The following KCNQ1 variants were observed in gnomAD, a reference collection of about 807,000 sequenced individuals.
The protein encoded by KCNQ1 is potassium voltage-gated channel subfamily KQT member 1.
KCNQ1 carries 49 observed loss-of-function variants against 72.4 expected under a neutral mutation model. The observed-to-expected ratio is 0.68, with a 90% confidence interval of 0.54 to 0.86. KCNQ1 has a LOEUF of 0.86. KCNQ1 is among the 40% of genes least tolerant of loss of function. The probability of loss-of-function intolerance (pLI) is 0.00; values close to 1 mark genes in which losing one functional copy is unlikely to be tolerated. For synonymous variants in KCNQ1, 450 were observed against 412.6 expected (o/e 1.09, Z -1.10); for missense variants, 790 against 945.1 (o/e 0.84, Z 2.15).
Position 2,699,384 on chromosome 11 carries a change from G to A in KCNQ1, c.1514+37303G>A, listed in dbSNP as rs1019527709. 12 of 400,556 alleles carry A rather than the reference G, an allele frequency of 3.0e-5. No homozygotes were observed. In the Middle Eastern group the frequency reaches 1.9e-3, roughly 62 times the overall value. 24.8% of individuals were successfully genotyped at this position (400,556 alleles called of 1,614,324 possible). A position where few individuals can be genotyped will look rare whatever the true frequency, so the allele number is the denominator to read the frequency against. ...CCGTCCGCCCAGGTCCGTGCTGACC[G>A]TGTTCAAACCCTCCCAGAGAGATGG... On this transcript the variant is annotated intron_variant, in intron 11 of 15. Coordinates refer to ENST00000155840, the MANE Select transcript of KCNQ1 (RefSeq NM_000218.3).
At chr11:2,840,053 C>CAT (rs1848172024) in intron 15 of KCNQ1, 1 of 152,214 alleles carries the variant, frequency 6.6e-6, no homozygotes, top group Admixed American at 6.5e-5. Flanking sequence ...GTCAAAAACC[C>CAT]ATGTATAACT....
intron 1 of KCNQ1, among the ~76,000 whole-genome samples, chr11:2,496,120 A>G (rs1846910807): frequency 1.3e-5 from 2 of 151,882 alleles, no homozygotes; most frequent in South Asian, 4.2e-4. Flanking sequence ...TATCTTTCTT[A>G]GTTTGAAGTC....
At chr11:2,461,229 G>T (rs1009956946) in intron 1 of KCNQ1, among the ~76,000 whole-genome samples, 6 of 151,932 alleles carry the variant, frequency 3.9e-5, no homozygotes, top group African/African-American at 1.5e-4. Context: ...CATGTGCAGG[G>T]CTGTTTGAAG....
intron 1 of KCNQ1, among the ~76,000 whole-genome samples, chr11:2,518,642 A>G (rs910517033): frequency 6.6e-6 from 1 of 152,150 alleles, no homozygotes; most frequent in Non-Finnish European, 1.5e-5. Flanking sequence ...TGGCTCCTGG[A>G]TAGGCGGGCT....
In KCNQ1 at chr11:2,617,481, G is replaced by A. The variant is rs1849086005; in HGVS notation, c.1393+28627G>A. ...TAGTCATCCATCAATGGACACGTAAGTTTTCATATCGTGACTCATGCATAT... is the reference window on the plus strand; with the variant it reads ...TAGTCATCCATCAATGGACACGTAAATTTTCATATCGTGACTCATGCATAT... On this transcript the variant is annotated intron_variant, in intron 10 of 15. Coordinates refer to ENST00000155840, the MANE Select transcript of KCNQ1 (RefSeq NM_000218.3). This position sits in a 1 kb window ranked among gnomAD's most constrained non-coding sequence, Gnocchi z 4.6. The A allele has an allele frequency of 5.0e-6, 2 of 398,314 alleles. No individual in the cohort carries two copies. Among genetic ancestry groups the A allele is most frequent in the Non-Finnish European group, 4.4e-6 (1 of 225,966 alleles). 24.7% of individuals were successfully genotyped at this position (398,314 alleles called of 1,614,324 possible). A position where few individuals can be genotyped will look rare whatever the true frequency, so the allele number is the denominator to read the frequency against.
In KCNQ1 at chr11:2,745,779, G is replaced by A. The variant is rs1195182673; in HGVS notation, c.1515-23065G>A. 1.3e-5 allele frequency among the ~76,000 whole-genome samples: 2 copies of A among 152,244 alleles called. No homozygotes were observed. Among genetic ancestry groups the A allele is most frequent in the African/African-American group, 4.8e-5 (2 of 41,476 alleles). On this transcript the variant is annotated intron_variant, in intron 11 of 15. Coordinates refer to ENST00000155840, the MANE Select transcript of KCNQ1 (RefSeq NM_000218.3). The surrounding 1 kb of genome is among the most constrained non-coding windows in gnomAD (Gnocchi z 6.2). ...CGTGCCTTGGAGAAGGCCGCTCAGC[G>A]AGGGCCGCCTTCAGGCCTGAGCCCG...
In KCNQ1 at chr11:2,808,789, T is replaced by C. The variant is rs971524580; in HGVS notation, c.1794+30752T>C. ...TCCAGACGCTTCTCTGTATGTTGCA[T>C]AGAAAAAGGATGGTTAGATACATGG... On this transcript the variant is annotated intron_variant, in intron 15 of 15. Transcript: ENST00000155840. This position sits in a 1 kb window ranked among gnomAD's most constrained non-coding sequence, Gnocchi z 6.0. Among the ~76,000 whole-genome samples the C allele has an allele frequency of 6.6e-6, 1 of 152,070 alleles. No individual in the cohort carries two copies. Among genetic ancestry groups the C allele is most frequent in the Admixed American group, 6.5e-5 (1 of 15,276 alleles).
chr11:2,731,867 C>T (rs1845863861), intron 11 of KCNQ1, among the ~76,000 whole-genome samples: 1 of 152,264 alleles, frequency 6.6e-6, no homozygotes, highest in African/African-American at 2.4e-5. Context: ...CGGCTGCTCA[C>T]AGCCTTCACC....
intron 15 of KCNQ1, among the ~76,000 whole-genome samples, chr11:2,837,149 C>G (rs1848083282): frequency 6.6e-6 from 1 of 152,168 alleles, no homozygotes; most frequent in African/African-American, 2.4e-5. Context: ...CCCTGGGCAG[C>G]CTCTCGAGTG....
rs1317157902 is a variant in KCNQ1, at chr11:2,623,766, A to T, written c.1393+34912A>T. 1 of 398,380 alleles carries T rather than the reference A, an allele frequency of 2.5e-6. No individual in the cohort carries two copies. The highest frequency in any genetic ancestry group is 4.4e-6 in the Non-Finnish European group (1 of 226,038). The allele number at this position is 398,380 out of a possible 1,614,324, so 24.7% of individuals were successfully genotyped here. On this transcript the variant is annotated intron_variant, in intron 10 of 15. Coordinates refer to ENST00000155840, the MANE Select transcript of KCNQ1 (RefSeq NM_000218.3). This position sits in a 1 kb window ranked among gnomAD's most constrained non-coding sequence, Gnocchi z 5.2. Reference sequence around the variant, plus strand: ...GATTTTTATGTGAATATAAGTCTTCACCTCCTTTGAGTAAATACCAAGGAT... The same window carrying T: ...GATTTTTATGTGAATATAAGTCTTCTCCTCCTTTGAGTAAATACCAAGGAT...
intron 10 of KCNQ1, chr11:2,615,445 T>G: frequency 5.0e-6 from 2 of 398,060 alleles, no homozygotes. Flanking sequence ...CATTGTTCAA[T>G]AGCACTGGGT....
At position 2,713,631 on chromosome 11, in the gene KCNQ1, T is replaced by G. The variant is rs1851042153; in HGVS notation, c.1514+51550T>G. On this transcript the variant is annotated intron_variant, in intron 11 of 15. Transcript: ENST00000155840. The surrounding 1 kb of genome is among the most constrained non-coding windows in gnomAD (Gnocchi z 5.6). ...AAGAGAAAAAAGTGAGCTGACATTA[T>G]GGGTCGGCCCCTGTTCTGGAGGCCA... is the stretch of plus-strand genomic sequence containing the variant. Among the ~76,000 whole-genome samples the G allele has an allele frequency of 6.6e-6, 1 of 152,274 alleles. No homozygotes were observed. The highest frequency in any genetic ancestry group is 3.4e-3 in the Middle Eastern group (1 of 294).
At chr11:2,771,340 C>T (rs1017453868) in intron 12 of KCNQ1, 1 of 152,242 alleles carries the variant, frequency 6.6e-6, no homozygotes, top group Non-Finnish European at 1.5e-5. Context: ...GATATCCCAT[C>T]GTGATAATAA....
intron 2 of KCNQ1, among the ~76,000 whole-genome samples, chr11:2,555,056 T>C (rs144217189): frequency 2.0e-4 from 31 of 152,262 alleles, no homozygotes; most frequent in Non-Finnish European, 3.7e-4. Flanking sequence ...CCGCAGGCCT[T>C]CCTGTCCCAA....
In KCNQ1 at chr11:2,645,050, C is replaced by T. The variant is rs1849645772; in HGVS notation, c.1394-16911C>T. The T allele has an allele frequency of 5.0e-6, 2 of 398,664 alleles. No homozygotes were observed. The highest frequency in any genetic ancestry group is 8.8e-6 in the Non-Finnish European group (2 of 226,226). 24.7% of individuals were successfully genotyped at this position (398,664 alleles called of 1,614,324 possible). On this transcript the variant is annotated intron_variant, in intron 10 of 15. Coordinates refer to ENST00000155840, the MANE Select transcript of KCNQ1 (RefSeq NM_000218.3). The surrounding 1 kb of genome is among the most constrained non-coding windows in gnomAD (Gnocchi z 5.8). ...GGCCTCCAGGCAACTTGCTCAGGTGCCAATGATGACAGAGCTGGGCCACAG... is the reference window on the plus strand; with the variant it reads ...GGCCTCCAGGCAACTTGCTCAGGTGTCAATGATGACAGAGCTGGGCCACAG...
Position 2,541,027 on chromosome 11 carries a change from A to C in KCNQ1, c.477+13009A>C, listed in dbSNP as rs1296114767. Among the ~76,000 whole-genome samples the C allele has an allele frequency of 6.6e-6, 1 of 152,248 alleles. No homozygotes were observed. ...GATGGGCGTGTGGACGTATGCACAC[A>C]TAGGTACCCATGTGGACACACTCAC... On this transcript the variant is annotated intron_variant, in intron 2 of 15. Transcript: ENST00000155840. The surrounding 1 kb of genome is among the most constrained non-coding windows in gnomAD (Gnocchi z 4.8).
chr11:2,509,529 G>A lies in KCNQ1; in HGVS notation c.387-18399G>A, dbSNP rs1006912486. ...AGGAAGGCAGGGCAGCCTGCTCAGA[G>A]GATGAGCCCAGCTATTCTGGGAAGC... On this transcript the variant is annotated intron_variant, in intron 1 of 15. Coordinates refer to ENST00000155840, the MANE Select transcript of KCNQ1 (RefSeq NM_000218.3). This position sits in a 1 kb window ranked among gnomAD's most constrained non-coding sequence, Gnocchi z 6.3. Among the ~76,000 whole-genome samples the A allele has an allele frequency of 1.3e-5, 2 of 152,194 alleles. No homozygotes were observed. The highest frequency in any genetic ancestry group is 2.9e-5 in the Non-Finnish European group (2 of 68,034).
chr11:2,740,818 G>A (rs759709802), intron 11 of KCNQ1, among the ~76,000 whole-genome samples: 50 of 152,278 alleles, frequency 3.3e-4, no homozygotes, highest in Non-Finnish European at 6.0e-4. Flanking sequence ...CGTCCCCTGC[G>A]GCCACGTCTC....
intron 1 of KCNQ1, among the ~76,000 whole-genome samples, chr11:2,511,758 G>A (rs1370398037): frequency 2.6e-5 from 4 of 152,262 alleles, no homozygotes; most frequent in Non-Finnish European, 4.4e-5. Context: ...CAGGCCTAGT[G>A]GAATTGTGGC....
Sources: gnomAD v4.1 joint callset for allele counts (sites outside exome capture counted in the v4.1 genomes callset) on GRCh38, gnomAD v4.1.1 for gene constraint, Gnocchi (gnomAD v3.1) non-coding constraint, MANE v1.5 for transcripts, NCBI Gene and HGNC (gene_info 2026-07-23, HGNC 2026-07-21) for gene names.